The following KCNJ13 variants were observed in gnomAD, a reference collection of about 807,000 sequenced individuals.
KCNJ13 encodes the protein potassium inwardly rectifying channel subfamily J member 13, also known as inward rectifier potassium channel 13.
A neutral mutation model predicts 24.6 loss-of-function variants in KCNJ13; 9 were observed. The observed-to-expected ratio is 0.37, with a 90% confidence interval of 0.22 to 0.64. The LOEUF is 0.64. KCNJ13 is among the 30% of genes least tolerant of loss of function. The probability of loss-of-function intolerance (pLI) is 0.64; values close to 1 mark genes in which losing one functional copy is unlikely to be tolerated. For missense variants in KCNJ13, 337 were observed against 443.8 expected, an observed-to-expected ratio of 0.76 and a Z score of 2.16; for synonymous variants, 148 against 154.7, an observed-to-expected ratio of 0.96 and a Z score of 0.32.
chr2:232,768,302 T>G lies in KCNJ13; in HGVS notation c.972A>C (p.Glu324Asp). The change falls in exon 3 of 3, where the codon GAA (glutamate) becomes GAC (aspartate). Residue 324 changes from glutamate to aspartate, a missense_variant. Transcript: ENST00000233826. ...KMENFDKTVP[E>D]FPTPLVSKSP... ...TTTTAGAAACCAGAGGAGTTGGAAA[T>G]TCAGGGACAGTCTTGTCAAAATTCT... 1 of 1,614,214 alleles carries G rather than the reference T, an allele frequency of 6.2e-7. No individual in the cohort carries two copies.
In KCNJ13 at chr2:232,767,886, G is replaced by T; in HGVS notation, c.*305C>A. On this transcript the variant is annotated 3_prime_UTR_variant, in exon 3 of 3. Coordinates refer to ENST00000233826, the MANE Select transcript of KCNJ13 (RefSeq NM_002242.4). Reference sequence around the variant, plus strand: ...GAGTTCAGTTGTGTTAAACTTCACTGTCCATTTTGCCTTCATTACTAGTAT... The same window carrying T: ...GAGTTCAGTTGTGTTAAACTTCACTTTCCATTTTGCCTTCATTACTAGTAT... 1 of 352,698 alleles carries T rather than the reference G, an allele frequency of 2.8e-6. No individual in the cohort carries two copies. Among genetic ancestry groups the T allele is most frequent in the Non-Finnish European group, 5.3e-6 (1 of 188,352 alleles). The allele number at this position is 352,698 out of a possible 1,614,324, so 21.8% of individuals were successfully genotyped here. A position where few individuals can be genotyped will look rare whatever the true frequency, so the allele number is the denominator to read the frequency against.
In KCNJ13 at chr2:232,768,406, G is replaced by C. The variant is rs1334094242; in HGVS notation, c.868C>G (p.Pro290Ala). The C allele has an allele frequency of 6.2e-7, 1 of 1,614,052 alleles. No individual in the cohort carries two copies. ...EICQRRTSYL[P>A]SEIMLHHCFA... Reference sequence around the variant, plus strand: ...CAGTGATGTAACATGATTTCAGACGGTAGGTAGGATGTCCTCCTTTGGCAT... The same window carrying C: ...CAGTGATGTAACATGATTTCAGACGCTAGGTAGGATGTCCTCCTTTGGCAT... The change falls in exon 3 of 3, where the codon CCG becomes GCG. Residue 290 changes from proline (P) to alanine (A), a missense_variant. Around this residue, in one of 3 missense-constraint regions of KCNJ13, gnomAD observed 235 missense variants for 286.9 expected, o/e 0.82. Transcript: ENST00000233826.
chr2:232,776,020 C>CTCATCACT (rs1220646967), intron 1 of KCNJ13, among the ~76,000 whole-genome samples: 1 of 152,102 alleles, frequency 6.6e-6, no homozygotes, highest in East Asian at 1.9e-4. Context: ...GATTAGGATA[C>CTCATCACT]TCATCACTTT....
intron 2 of KCNJ13, among the ~76,000 whole-genome samples, chr2:232,769,761 T>G (rs771556997): frequency 3.3e-5 from 5 of 152,136 alleles, no homozygotes; most frequent in Non-Finnish European, 5.9e-5. Context: ...AGAATTATGT[T>G]TTAAGTGCTT....
Position 232,766,659 on chromosome 2 carries a change from T to C in KCNJ13, c.*1532A>G, listed in dbSNP as rs1698976083. On this transcript the variant is annotated 3_prime_UTR_variant, in exon 3 of 3. Coordinates refer to ENST00000233826, the MANE Select transcript of KCNJ13 (RefSeq NM_002242.4). ...TCACAATAATTAAGTTTCTGTGTTC[T>C]TGATATTCTTCTGCTATTATCAGTC... 1 of 152,346 alleles carries C rather than the reference T, an allele frequency of 6.6e-6. No individual in the cohort carries two copies. 9.4% of individuals were successfully genotyped at this position (152,346 alleles called of 1,614,324 possible).
chr2:232,768,621 TAG>T lies in KCNJ13; in HGVS notation c.651_652del (p.Tyr218ProfsTer9). On this transcript the variant is annotated frameshift_variant, in exon 3 of 3. Coordinates refer to ENST00000233826, the MANE Select transcript of KCNJ13 (RefSeq NM_002242.4). LOFTEE classifies it high-confidence loss of function. ...AAGGTGGAAATCCACACTGGTCTGG[TAG>T]AGTTTGCCATTTTCTCTTTCCTGAT... The T allele has an allele frequency of 6.2e-7, 1 of 1,614,128 alleles. No homozygotes were observed. The highest frequency in any genetic ancestry group is 8.5e-7 in the Non-Finnish European group (1 of 1,179,988).
rs748224832 is a variant in KCNJ13, at chr2:232,768,159, G to C, written c.*32C>G. ...AAAAAGTAGCTGCATAACTGGCTGG[G>C]TGTATTTAATACATTAAAAAATGGA... On this transcript the variant is annotated 3_prime_UTR_variant, in exon 3 of 3. Transcript: ENST00000233826. 14 of 1,608,348 alleles carry C rather than the reference G, an allele frequency of 8.7e-6. No homozygotes were observed. The highest frequency in any genetic ancestry group is 1.3e-5 in the African/African-American group (1 of 74,824).
At chr2:232,770,783 T>A (rs1699210335) in intron 2 of KCNJ13, 120 bp downstream of exon 2, 2 of 716,382 alleles carry the variant, frequency 2.8e-6, no homozygotes. Flanking sequence ...CTGCTATCAA[T>A]ATAGATAAAT....
At chr2:232,770,846 AGTTTT>A (rs573097228) in intron 2 of KCNJ13, 52 bp downstream of exon 2, 10 of 1,191,492 alleles carry the variant, frequency 8.4e-6, no homozygotes, top group African/African-American at 4.5e-5. Context: ...AAACACCTGT[AGTTTT>A]GTTTTGTTTT....
intron 1 of KCNJ13, among the ~76,000 whole-genome samples, chr2:232,775,440 A>G (rs959140908): frequency 2.0e-5 from 3 of 152,220 alleles, no homozygotes; most frequent in Admixed American, 1.3e-4. Flanking sequence ...CAAGTTTCCT[A>G]TATGATTTCT....
At position 232,767,295 on chromosome 2, in the gene KCNJ13, A is replaced by G. The variant is rs923113799; in HGVS notation, c.*896T>C. The G allele has an allele frequency of 6.6e-6, 1 of 152,174 alleles. No homozygotes were observed. The highest frequency in any genetic ancestry group is 2.4e-5 in the African/African-American group (1 of 41,440). The allele number at this position is 152,174 out of a possible 1,614,324, so 9.4% of individuals were successfully genotyped here. On this transcript the variant is annotated 3_prime_UTR_variant, in exon 3 of 3. Coordinates refer to ENST00000233826, the MANE Select transcript of KCNJ13 (RefSeq NM_002242.4). Reference sequence around the variant, plus strand: ...TCAAGTTATATCTAAGTAAAGCTTTATATCTATAAAGACTTAAATATATTT... The same window carrying G: ...TCAAGTTATATCTAAGTAAAGCTTTGTATCTATAAAGACTTAAATATATTT...
rs901710627 is a variant in KCNJ13, at chr2:232,766,983, T to C, written c.*1208A>G. On this transcript the variant is annotated 3_prime_UTR_variant, in exon 3 of 3. Coordinates refer to ENST00000233826, the MANE Select transcript of KCNJ13 (RefSeq NM_002242.4). ...TTAAGGACAGTTTCTCTTTTTTTTA[T>C]TGAAATGAAAATCATGCAAATGATC... is the stretch of plus-strand genomic sequence containing the variant. The C allele has an allele frequency of 6.6e-6, 1 of 152,154 alleles. No homozygotes were observed. The highest frequency in any genetic ancestry group is 2.1e-4 in the South Asian group (1 of 4,828). The allele number at this position is 152,154 out of a possible 1,614,324, so 9.4% of individuals were successfully genotyped here. A position where few individuals can be genotyped will look rare whatever the true frequency, so the allele number is the denominator to read the frequency against.
intron 1 of KCNJ13, among the ~76,000 whole-genome samples, chr2:232,772,947 C>T (rs1056496010): frequency 6.6e-6 from 1 of 152,034 alleles, no homozygotes; most frequent in Non-Finnish European, 1.5e-5. Context: ...TGGGTATATA[C>T]AACTTTCTTT....
intron 2 of KCNJ13, among the ~76,000 whole-genome samples, chr2:232,769,615 T>G (rs975005681): frequency 1.3e-5 from 2 of 152,024 alleles, no homozygotes; most frequent in African/African-American, 4.8e-5. Context: ...GAGGACTGAC[T>G]ATCAGGTAAT....
rs940464980 is a variant in KCNJ13 at position 232,766,242 on chromosome 2, A to G, written c.*1949T>C. Among the ~76,000 whole-genome samples, 2 of 152,212 alleles carry G rather than the reference A, an allele frequency of 1.3e-5. No individual in the cohort carries two copies. The highest frequency in any genetic ancestry group is 1.3e-4 in the Admixed American group (2 of 15,280). On this transcript the variant is annotated 3_prime_UTR_variant, in exon 3 of 3. Coordinates refer to ENST00000233826, the MANE Select transcript of KCNJ13 (RefSeq NM_002242.4). ...AGTGTTTATTAAATAACAGTAGTTT[A>G]CCAATAGTTTTTTTTGGCATGTGTA...
At chr2:232,774,036 CT>C (rs1699398954) in intron 1 of KCNJ13, among the ~76,000 whole-genome samples, 1 of 150,678 alleles carries the variant, frequency 6.6e-6, no homozygotes, top group South Asian at 2.1e-4. Flanking sequence ...AACACTAGCA[CT>C]TTGGGACGTT....
intron 1 of KCNJ13, among the ~76,000 whole-genome samples, chr2:232,772,134 A>C (rs1699288143): frequency 6.6e-6 from 1 of 152,190 alleles, no homozygotes; most frequent in Non-Finnish European, 1.5e-5. Flanking sequence ...GGCTGGTCTC[A>C]GACTCCTGTT....
Position 232,768,531 on chromosome 2 carries a change from G to A in KCNJ13, c.743C>T (p.Thr248Ile). The A allele has an allele frequency of 6.2e-7, 1 of 1,614,106 alleles. No individual in the cohort carries two copies. Among genetic ancestry groups the A allele is most frequent in the East Asian group, 2.2e-5 (1 of 44,886 alleles). Residue 248 changes from threonine (T) to isoleucine (I), a missense_variant, in exon 3 of 3, where the codon ACA becomes ATA. Physicochemically the swap from Thr to Ile is moderately conservative, Grantham distance 89. Transcript: ENST00000233826. ...IFPLTYYHSI[T>I]PSSPLATLLQ... is the part of the protein sequence containing the mutation. ...CAGAGTAGCCAGAGGACTTGATGGT[G>A]TAATGGAGTGATAGTACGTTAGTGG... is the stretch of plus-strand genomic sequence containing the variant.
intron 1 of KCNJ13, among the ~76,000 whole-genome samples, chr2:232,772,557 C>T (rs1323828167): frequency 1.3e-5 from 2 of 152,166 alleles, no homozygotes; most frequent in African/African-American, 4.8e-5. Flanking sequence ...ATCCTTTTCT[C>T]AAGGTGGTGA....
Sources: gnomAD v4.1 joint callset for allele counts (sites outside exome capture counted in the v4.1 genomes callset) on GRCh38, gnomAD v4.1.1 for gene constraint, gnomAD v4.1.1 regional missense constraint, MANE v1.5 for transcripts, NCBI Gene and HGNC (gene_info 2026-07-23, HGNC 2026-07-21) for gene names.